Variants in PIK3C2G observed in about 807,000 individuals in gnomAD.
PIK3C2G encodes the protein phosphatidylinositol 3-kinase C2 domain-containing subunit gamma.
PIK3C2G carries 168 observed loss-of-function variants against 181.1 expected under a neutral mutation model. The observed-to-expected ratio is 0.93, with a 90% confidence interval of 0.82 to 1.05. The LOEUF (loss-of-function observed/expected upper bound fraction) is 1.05, where lower values mean the gene tolerates loss of function less well. Among genes scored for constraint, PIK3C2G ranks in the 50% least tolerant of loss-of-function variants. PIK3C2G has a pLI of 0.00. For synonymous variants in PIK3C2G, 573 were observed against 592.2 expected, an observed-to-expected ratio of 0.97 and a Z score of 0.47; for missense variants, 1,869 against 1,732.8, an observed-to-expected ratio of 1.08 and a Z score of -1.40.
rs1286415376 is a variant in PIK3C2G at position 18,416,901 on chromosome 12, AAT to A, written c.2316-4037_2316-4036del. Among the ~76,000 whole-genome samples, 10 of 152,314 alleles carry A rather than the reference AAT, an allele frequency of 6.6e-5. No homozygotes were observed. The East Asian group carries it at 1.4e-3, about 21-fold the overall frequency. On this transcript the variant is annotated intron_variant, in intron 16 of 32. Coordinates refer to ENST00000538779, the MANE Select transcript of PIK3C2G (RefSeq NM_001288772.2). ...GACTTTTAAGTCTTATTATTTAAGAAATATGTTTCATAAGCCTACAGCTGCCA... is the reference window on the plus strand; with the variant it reads ...GACTTTTAAGTCTTATTATTTAAGAAATGTTTCATAAGCCTACAGCTGCCA...
chr12:18,445,756 A>T (rs1388615300), intron 18 of PIK3C2G, among the ~76,000 whole-genome samples: 1 of 152,214 alleles, frequency 6.6e-6, no homozygotes, highest in African/African-American at 2.4e-5. Context: ...AGCACTCTAC[A>T]TGCTAACTGT....
intron 7 of PIK3C2G, among the ~76,000 whole-genome samples, chr12:18,321,834 T>C (rs775643494): frequency 4.6e-5 from 7 of 151,980 alleles, no homozygotes; most frequent in Non-Finnish European, 8.8e-5. Context: ...CAAACTAACA[T>C]AGAAACAGAA....
intron 28 of PIK3C2G, among the ~76,000 whole-genome samples, chr12:18,565,029 C>G (rs894268786): frequency 6.6e-6 from 1 of 152,096 alleles, no homozygotes; most frequent in Non-Finnish European, 1.5e-5. Flanking sequence ...GAGGTTCTTA[C>G]ATTGATTTTC....
At chr12:18,711,518 A>G in the PIK3C2G span, among the ~76,000 whole-genome samples, 30 of 142,904 alleles carry the variant, frequency 2.1e-4, no homozygotes, top group African/African-American at 7.3e-4. Flanking sequence ...CATGTACCCT[A>G]AAACTTAAAG....
chr12:18,428,701 C>T lies in PIK3C2G; in HGVS notation c.2504+4662C>T, dbSNP rs151078619. 8.5e-5 allele frequency among the ~76,000 whole-genome samples: 13 copies of T among 152,278 alleles called. No homozygotes were observed. The East Asian group carries it at 2.3e-3, about 27-fold the overall frequency. ...GAGAGGTGAAATTGACTTAGGCTCA[C>T]GTGAGTCTCTTCCACTGGAAGAGTG... On this transcript the variant is annotated intron_variant, in intron 18 of 32. Coordinates refer to ENST00000538779, the MANE Select transcript of PIK3C2G (RefSeq NM_001288772.2).
intron 3 of PIK3C2G, among the ~76,000 whole-genome samples, chr12:18,290,005 GGTAACAT>G (rs1375926104): frequency 2.0e-5 from 3 of 152,050 alleles, no homozygotes; most frequent in Non-Finnish European, 2.9e-5. Context: ...ATCAAGCTAT[GGTAACAT>G]ATAATGACAA....
At chr12:18,303,492 C>T (rs896566533) in intron 5 of PIK3C2G, among the ~76,000 whole-genome samples, 9 of 151,984 alleles carry the variant, frequency 5.9e-5, no homozygotes, top group Admixed American at 3.3e-4. Flanking sequence ...CGCACCACCA[C>T]GCCTATCTAA....
Position 18,594,478 on chromosome 12 carries a change from T to C in PIK3C2G, c.4012-16T>C. 2 of 1,483,442 alleles carry C rather than the reference T, an allele frequency of 1.3e-6. No individual in the cohort carries two copies. The highest frequency in any genetic ancestry group is 1.8e-6 in the Non-Finnish European group (2 of 1,099,036). 91.9% of individuals were successfully genotyped at this position (1,483,442 alleles called of 1,614,324 possible). ...ATAAGAAATAAAGAAATATTATGTT[T>C]CATTTTGTTTTTCAGAGTGATTGTG... On this transcript the variant is annotated splice_polypyrimidine_tract_variant and intron_variant, in intron 29 of 32. Coordinates refer to ENST00000538779, the MANE Select transcript of PIK3C2G (RefSeq NM_001288772.2).
At chr12:18,243,641 T>C (rs1565519307), upstream of PIK3C2G, among the ~76,000 whole-genome samples, 1 of 152,028 alleles carries the variant, frequency 6.6e-6, no homozygotes, top group Non-Finnish European at 1.5e-5. Context: ...GTGCTTGTTA[T>C]GGAGCCATCA....
intron 29 of PIK3C2G, among the ~76,000 whole-genome samples, chr12:18,572,250 T>C (rs1471116791): frequency 6.7e-6 from 1 of 148,990 alleles, no homozygotes; most frequent in Non-Finnish European, 1.5e-5. Context: ...TTCAGGGATA[T>C]TTTTGCTGAC....
chr12:18,447,504 C>G (rs1195810216), intron 18 of PIK3C2G, among the ~76,000 whole-genome samples: 1 of 152,128 alleles, frequency 6.6e-6, no homozygotes, highest in African/African-American at 2.4e-5. Context: ...TATTAACACA[C>G]AGATACACGC....
intron 32 of PIK3C2G, among the ~76,000 whole-genome samples, chr12:18,641,747 T>C (rs1949852958): frequency 7.0e-6 from 1 of 143,360 alleles, no homozygotes; most frequent in African/African-American, 2.7e-5. Flanking sequence ...CTCAAGCTTT[T>C]TTTTTTTTTT....
At chr12:18,634,233 A>G (rs12303288) in intron 31 of PIK3C2G, among the ~76,000 whole-genome samples, 53,721 of 152,044 alleles carry the variant, frequency 0.35, 9,802 homozygotes, top group East Asian at 0.61. Context: ...TGTGAGTCCC[A>G]TAATCATAAA....
At chr12:18,525,246 G>A (rs937257180) in intron 24 of PIK3C2G, among the ~76,000 whole-genome samples, 5 of 151,884 alleles carry the variant, frequency 3.3e-5, no homozygotes, top group Non-Finnish European at 7.4e-5. Context: ...CAAAAAATTA[G>A]CTGGGCATAG....
chr12:18,577,089 T>C (rs913793679), intron 29 of PIK3C2G, among the ~76,000 whole-genome samples: 1 of 152,144 alleles, frequency 6.6e-6, no homozygotes, highest in South Asian at 2.1e-4. Context: ...AAGGTGAATA[T>C]TGGAAGCAGC....
intron 23 of PIK3C2G, among the ~76,000 whole-genome samples, chr12:18,504,761 G>A (rs1375726445): frequency 6.6e-6 from 1 of 152,146 alleles, no homozygotes; most frequent in Admixed American, 6.5e-5. Context: ...TGATATATAT[G>A]TACTATACCA....
At chr12:18,596,029 T>C (rs775000532) in intron 30 of PIK3C2G, among the ~76,000 whole-genome samples, 19 of 152,126 alleles carry the variant, frequency 1.2e-4, no homozygotes, top group South Asian at 2.1e-4. Context: ...CACCATTGTA[T>C]CCCTGGGGTC....
intron 31 of PIK3C2G, among the ~76,000 whole-genome samples, chr12:18,629,027 A>G (rs1455601619): frequency 1.3e-5 from 2 of 152,236 alleles, no homozygotes; most frequent in Non-Finnish European, 2.9e-5. Flanking sequence ...TAACAAGAGC[A>G]TTTACATATA....
the PIK3C2G span, chr12:18,693,415 A>G: frequency 1.9e-6 from 3 of 1,604,398 alleles, no homozygotes; most frequent in Non-Finnish European, 2.5e-6. Flanking sequence ...TATTATGAAG[A>G]GATGGGTATA....
Sources: allele counts gnomAD v4.1 joint callset (sites outside exome capture counted in the v4.1 genomes callset), GRCh38; gene constraint gnomAD v4.1.1; transcripts MANE v1.5; gene names NCBI Gene and HGNC (gene_info 2026-07-23, HGNC 2026-07-21).